The following MCC variants were observed in gnomAD, a reference collection of about 807,000 sequenced individuals.
The protein encoded by MCC is colorectal mutant cancer protein.
Under a neutral mutation model 116.2 loss-of-function variants are expected in MCC, and 90 were observed. The observed-to-expected ratio is 0.77, with a 90% CI of 0.65 to 0.92. MCC has a LOEUF of 0.92. Among genes scored for constraint, MCC ranks in the 40% least tolerant of loss-of-function variants. MCC has a pLI of 0.00. For missense variants in MCC, 1,516 were observed against 1,312.2 expected, an observed-to-expected ratio of 1.16 and a Z score of -2.40; for synonymous variants, 578 against 510.5, an observed-to-expected ratio of 1.13 and a Z score of -1.78.
rs58372049 is a variant in MCC, at chr5:113,299,292, C to CAAAAAAAAA, written c.627+41218_627+41226dup. 6.5e-4 allele frequency among the ~76,000 whole-genome samples: 34 copies of CAAAAAAAAA among 52,078 alleles called. 1 individual carries two copies. Among genetic ancestry groups the CAAAAAAAAA allele is most frequent in the East Asian group, 2.3e-3 (3 of 1,310 alleles). 34.2% of individuals were successfully genotyped at this position (52,078 alleles called of 152,430 possible). On this transcript the variant is annotated intron_variant, in intron 3 of 18. Transcript: ENST00000408903. The stretch of plus-strand genomic sequence containing the variant: ...TGGGCAACAGAGTGAGACTCCGTCT[C>CAAAAAAAAA]AAAAAAAAAAAAAAAAAAAAAAAAA...
chr5:113,076,179 C>T lies in MCC; in HGVS notation c.1785-4945G>A, dbSNP rs138954218. Reference sequence around the variant, plus strand: ...CTATGTGAAAAGACCAAATCTACATCTGATTGGTGGACCTGAAAGTGATGG... The same window carrying T: ...CTATGTGAAAAGACCAAATCTACATTTGATTGGTGGACCTGAAAGTGATGG... On this transcript the variant is annotated intron_variant, in intron 11 of 18. Coordinates refer to ENST00000408903, the MANE Select transcript of MCC (RefSeq NM_001085377.2). Among the ~76,000 whole-genome samples, 253 of 152,302 alleles carry T rather than the reference C, an allele frequency of 1.7e-3. 5 individuals are homozygous for T. The South Asian group carries it at 0.026, about 16-fold the overall frequency.
At chr5:113,097,572 T>A (rs1291770946) in intron 8 of MCC, among the ~76,000 whole-genome samples, 1 of 152,202 alleles carries the variant, frequency 6.6e-6, no homozygotes, top group Admixed American at 6.5e-5. Context: ...CAGTCTGCAT[T>A]TTCTCTATAT....
chr5:113,086,447 C>A (rs1235151662), intron 8 of MCC, among the ~76,000 whole-genome samples: 2 of 152,060 alleles, frequency 1.3e-5, no homozygotes, highest in Non-Finnish European at 2.9e-5. Flanking sequence ...GCACCTTTTC[C>A]CCAAGTTACC....
At chr5:113,075,355 C>T (rs1043048102) in intron 11 of MCC, among the ~76,000 whole-genome samples, 15 of 152,210 alleles carry the variant, frequency 9.9e-5, no homozygotes, top group African/African-American at 2.2e-4. Flanking sequence ...CAAGCCTCCC[C>T]GATGGGTGCC....
chr5:113,340,221 T>G (rs575322617), intron 3 of MCC, among the ~76,000 whole-genome samples: 6 of 152,254 alleles, frequency 3.9e-5, no homozygotes, highest in Non-Finnish European at 8.8e-5. Context: ...TCTAGAACCA[T>G]AGAAGTAGTC....
In MCC at chr5:113,434,797, C is replaced by T. The variant is rs1248022789; in HGVS notation, c.171-49585G>A. 3 of 1,613,126 alleles carry T rather than the reference C, an allele frequency of 1.9e-6. No homozygotes were observed. Among genetic ancestry groups the T allele is most frequent in the Non-Finnish European group, 2.5e-6 (3 of 1,179,166 alleles). On this transcript the variant is annotated intron_variant, in intron 1 of 18. Transcript: ENST00000408903. This position sits in a 1 kb window ranked among gnomAD's most constrained non-coding sequence, Gnocchi z 4.2. Reference sequence around the variant, plus strand: ...TAGGAGCCCTCTCCTAAATTTATCCCCAGGAGGTAGCCTCGTCGCTTGAGG... The same window carrying T: ...TAGGAGCCCTCTCCTAAATTTATCCTCAGGAGGTAGCCTCGTCGCTTGAGG...
intron 1 of MCC, among the ~76,000 whole-genome samples, chr5:113,409,873 T>C (rs545779629): frequency 1.3e-5 from 2 of 152,148 alleles, no homozygotes; most frequent in East Asian, 1.9e-4. Flanking sequence ...ATAAAACATA[T>C]GCTCACTATA....
intron 3 of MCC, among the ~76,000 whole-genome samples, chr5:113,191,080 T>C (rs1204121294): frequency 6.6e-6 from 1 of 152,152 alleles, no homozygotes; most frequent in Non-Finnish European, 1.5e-5. Flanking sequence ...AATCATCAAA[T>C]CCAAAAACGA....
At chr5:113,362,170 T>C (rs893336959) in intron 2 of MCC, among the ~76,000 whole-genome samples, 1 of 152,236 alleles carries the variant, frequency 6.6e-6, no homozygotes, top group African/African-American at 2.4e-5. Context: ...ATTTTATTTA[T>C]TTATTTTTGA....
At chr5:113,220,432 T>C (rs1763507406) in intron 3 of MCC, among the ~76,000 whole-genome samples, 1 of 152,112 alleles carries the variant, frequency 6.6e-6, no homozygotes. Flanking sequence ...AGAATTTATA[T>C]CATAGCAACA....
At chr5:113,087,200 A>AT (rs1755255383) in intron 8 of MCC, among the ~76,000 whole-genome samples, 1 of 152,242 alleles carries the variant, frequency 6.6e-6, no homozygotes, top group Non-Finnish European at 1.5e-5. Flanking sequence ...TTGGGAACCA[A>AT]AAGTAATTGA....
rs1755039418 is a variant in MCC, at chr5:113,084,101, C to A, written c.1635G>T (p.Gly545=). The change falls in exon 10 of 19, where the codon GGG becomes GGT. Residue 545 remains glycine, a splice_region_variant and synonymous_variant. Coordinates refer to ENST00000408903, the MANE Select transcript of MCC (RefSeq NM_001085377.2). ...TGCCTTGCTTCTCATGAACACTCACCCCTATGCTACTGATTTCTGAGCCCA... is the reference window on the plus strand; with the variant it reads ...TGCCTTGCTTCTCATGAACACTCACACCTATGCTACTGATTTCTGAGCCCA... ...PVLGSEISSI[G]VSSSVAEHLA... is the part of the protein sequence containing the mutation. 9 of 1,613,706 alleles carry A rather than the reference C, an allele frequency of 5.6e-6. No individual in the cohort carries two copies. Among genetic ancestry groups the A allele is most frequent in the Non-Finnish European group, 7.6e-6 (9 of 1,179,658 alleles).
chr5:113,095,694 A>G (rs1437744278), intron 8 of MCC, among the ~76,000 whole-genome samples: 1 of 151,766 alleles, frequency 6.6e-6, no homozygotes, highest in African/African-American at 2.4e-5. Context: ...AATTAAAAAA[A>G]AAAAAATTTT....
At chr5:113,270,531 C>T (rs963126736) in intron 3 of MCC, among the ~76,000 whole-genome samples, 3 of 151,078 alleles carry the variant, frequency 2.0e-5, no homozygotes, top group Admixed American at 6.6e-5. Flanking sequence ...GAATAAAAAA[C>T]CTAGGTACCC....
At chr5:113,483,292 A>C (rs1772426780) in intron 1 of MCC, among the ~76,000 whole-genome samples, 1 of 152,172 alleles carries the variant, frequency 6.6e-6, no homozygotes. Context: ...CAGTTCATCA[A>C]TTTCTGCAAA....
intron 13 of MCC, among the ~76,000 whole-genome samples, chr5:113,064,703 A>G (rs1475707833): frequency 1.3e-5 from 2 of 152,168 alleles, no homozygotes; most frequent in Non-Finnish European, 2.9e-5. Flanking sequence ...TACCGATGCC[A>G]CCCCTGACCC....
At chr5:113,068,332 G>A (rs1753770603) in intron 12 of MCC, 149 bp from the exon 13 acceptor site, 2 of 616,554 alleles carry the variant, frequency 3.2e-6, no homozygotes, top group African/African-American at 1.8e-5. Context: ...TATTCCCAGG[G>A]CAGGGCCAGT....
At chr5:113,079,375 G>C (rs1754685494) in intron 11 of MCC, among the ~76,000 whole-genome samples, 1 of 152,174 alleles carries the variant, frequency 6.6e-6, no homozygotes, top group African/African-American at 2.4e-5. Context: ...AAAGAACAAA[G>C]CTGGAGGCAT....
chr5:113,204,652 C>G (rs888987824), intron 3 of MCC: 1 of 152,200 alleles, frequency 6.6e-6, no homozygotes, highest in African/African-American at 2.4e-5. Context: ...GACAATGCTC[C>G]AGGCAGAAAA....
Sources: allele counts gnomAD v4.1 joint callset (sites outside exome capture counted in the v4.1 genomes callset), GRCh38; gene constraint gnomAD v4.1.1; non-coding constraint Gnocchi (gnomAD v3.1); transcripts MANE v1.5; gene names NCBI Gene and HGNC (gene_info 2026-07-23, HGNC 2026-07-21).